The following NDRG3 variants were observed in gnomAD, a reference collection of about 807,000 sequenced individuals.
The protein encoded by NDRG3 is NDRG family member 3, also known as protein NDRG3.
In NDRG3, 23 loss-of-function variants were observed where a neutral mutation model predicts 57.2. The observed-to-expected ratio is 0.40, with a 90% CI of 0.29 to 0.57. NDRG3 has a LOEUF of 0.57. NDRG3 is among the 20% of genes least tolerant of loss of function. The pLI is 0.42. For synonymous variants in NDRG3, 132 were observed against 162.6 expected, an observed-to-expected ratio of 0.81 and a Z score of 1.43; for missense variants, 384 against 457.3, an observed-to-expected ratio of 0.84 and a Z score of 1.46.
chr20:36,708,229 C>T (rs991006568), intron 2 of NDRG3, among the ~76,000 whole-genome samples: 1 of 152,142 alleles, frequency 6.6e-6, no homozygotes, highest in Non-Finnish European at 1.5e-5. Flanking sequence ...TTTATTCTGT[C>T]TCTACAATGA....
At chr20:36,714,879 C>T (rs1984140526) in intron 2 of NDRG3, among the ~76,000 whole-genome samples, 1 of 151,054 alleles carries the variant, frequency 6.6e-6, no homozygotes, top group African/African-American at 2.4e-5. Flanking sequence ...TCCCAAAGTG[C>T]TGGGATTACA....
At chr20:36,699,668 CTGGTGG>C (rs887081318) in intron 3 of NDRG3, among the ~76,000 whole-genome samples, 2 of 151,412 alleles carry the variant, frequency 1.3e-5, no homozygotes. Context: ...CTGATGGTAA[CTGGTGG>C]TGGTGGTGGT....
At chr20:36,713,409 G>A (rs896587903) in intron 2 of NDRG3, among the ~76,000 whole-genome samples, 31 of 152,034 alleles carry the variant, frequency 2.0e-4, no homozygotes, top group Admixed American at 9.8e-4. Flanking sequence ...AACTAGGAAC[G>A]GGTCAATGAT....
intron 1 of NDRG3, among the ~76,000 whole-genome samples, chr20:36,743,871 CG>C (rs1260416192): frequency 6.7e-6 from 1 of 148,992 alleles, no homozygotes; most frequent in African/African-American, 2.5e-5. Context: ...GCAGCTCAAT[CG>C]TGAGTGCACG....
At chr20:36,693,141 T>TATATATATATACAC (rs1323122806) in intron 3 of NDRG3, among the ~76,000 whole-genome samples, 5 of 34,582 alleles carry the variant, frequency 1.4e-4, no homozygotes, top group Non-Finnish European at 2.8e-4. Context: ...TATATATATA[T>TATATATATATACAC]ACACACACAC....
At position 36,655,992 on chromosome 20, in the gene NDRG3, G is replaced by A. The variant is rs188039021; in HGVS notation, c.946+368C>T. On this transcript the variant is annotated intron_variant, in intron 15 of 15. Coordinates refer to ENST00000349004, the MANE Select transcript of NDRG3 (RefSeq NM_032013.4). ...CTCCTAAAAATACAAAAATTATTCGGGTGTGGTGGCACATGCCTGTAGTCC... is the reference window on the plus strand; with the variant it reads ...CTCCTAAAAATACAAAAATTATTCGAGTGTGGTGGCACATGCCTGTAGTCC... Among the ~76,000 whole-genome samples the A allele has an allele frequency of 4.2e-3, 636 of 152,060 alleles. 4 individuals carry two copies. Among genetic ancestry groups the A allele is most frequent in the African/African-American group, 0.013 (553 of 41,494 alleles).
intron 8 of NDRG3, among the ~76,000 whole-genome samples, chr20:36,671,758 C>T (rs1980189891): frequency 6.7e-6 from 1 of 149,846 alleles, no homozygotes; most frequent in Non-Finnish European, 1.5e-5. Flanking sequence ...GCCGAGATTG[C>T]GCCACTGCAC....
intron 1 of NDRG3, among the ~76,000 whole-genome samples, chr20:36,743,449 G>A (rs894875997): frequency 1.3e-5 from 2 of 152,002 alleles, no homozygotes; most frequent in African/African-American, 4.8e-5. Context: ...AGCCGAGATT[G>A]CGCCACTGCA....
intron 4 of NDRG3, 117 bp downstream of exon 4, chr20:36,688,562 G>T: frequency 1.3e-6 from 1 of 746,250 alleles, no homozygotes; most frequent in Non-Finnish European, 2.3e-6. Context: ...AACAAGGAGG[G>T]AAAGTTACCA....
At chr20:36,690,851 C>T (rs913186431) in intron 3 of NDRG3, among the ~76,000 whole-genome samples, 5 of 152,012 alleles carry the variant, frequency 3.3e-5, no homozygotes, top group Non-Finnish European at 7.4e-5. Context: ...ACAAAAGATG[C>T]ACCGAGCAAA....
At chr20:36,691,631 T>C (rs187229577) in intron 3 of NDRG3, among the ~76,000 whole-genome samples, 62 of 152,258 alleles carry the variant, frequency 4.1e-4, no homozygotes, top group Admixed American at 9.2e-4. Flanking sequence ...AAGAATTGCT[T>C]GAACCCGGGA....
chr20:36,711,345 T>A (rs186747223), intron 2 of NDRG3, among the ~76,000 whole-genome samples: 1 of 151,920 alleles, frequency 6.6e-6, no homozygotes, highest in East Asian at 1.9e-4. Flanking sequence ...TGACCTAACC[T>A]TTTAAGGAAT....
chr20:36,706,130 G>A (rs1262476124), intron 3 of NDRG3, among the ~76,000 whole-genome samples: 1 of 152,116 alleles, frequency 6.6e-6, no homozygotes, highest in Non-Finnish European at 1.5e-5. Context: ...TTTCAAACTG[G>A]CAACAGAGGT....
chr20:36,687,414 A>G, intron 5 of NDRG3, 78 bp downstream of exon 5: 1 of 1,537,300 alleles, frequency 6.5e-7, no homozygotes, highest in Admixed American at 1.9e-5. Context: ...AGGGAAGCAC[A>G]CACCACTTCT....
chr20:36,706,917 G>A, intron 3 of NDRG3, 55 bp downstream of exon 3: 2 of 1,488,730 alleles, frequency 1.3e-6, no homozygotes. Flanking sequence ...CCACAGGAAA[G>A]GAAACACTGC....
intron 3 of NDRG3, among the ~76,000 whole-genome samples, chr20:36,702,687 C>A (rs889090575): frequency 6.6e-6 from 1 of 151,330 alleles, no homozygotes; most frequent in Non-Finnish European, 1.5e-5. Context: ...CCATGCCCAG[C>A]TAATTTTTTT....
intron 1 of NDRG3, among the ~76,000 whole-genome samples, chr20:36,728,884 G>T (rs1568670086): frequency 6.6e-6 from 1 of 152,026 alleles, no homozygotes; most frequent in African/African-American, 2.4e-5. Context: ...ACCATGCCCA[G>T]CTAAGTTTTG....
At chr20:36,657,795 T>C (rs566043082) in intron 13 of NDRG3, among the ~76,000 whole-genome samples, 8 of 152,276 alleles carry the variant, frequency 5.3e-5, no homozygotes, top group African/African-American at 1.9e-4. Context: ...ATTCTAAGCA[T>C]AAGATTATAA....
intron 2 of NDRG3, among the ~76,000 whole-genome samples, chr20:36,716,912 C>A (rs1312961517): frequency 6.6e-6 from 1 of 152,288 alleles, no homozygotes; most frequent in Admixed American, 6.5e-5. Context: ...CTGGCTTCAC[C>A]AACTTAACAG....
Sources: allele counts gnomAD v4.1 joint callset (sites outside exome capture counted in the v4.1 genomes callset), GRCh38; gene constraint gnomAD v4.1.1; transcripts MANE v1.5; gene names NCBI Gene and HGNC (gene_info 2026-07-23, HGNC 2026-07-21).